Variants in GRM4 observed in about 807,000 individuals in gnomAD.
GRM4 encodes the protein glutamate metabotropic receptor 4.
In GRM4, 28 loss-of-function variants were observed where a neutral mutation model predicts 81.7. The observed-to-expected ratio is 0.34, with a 90% confidence interval of 0.25 to 0.47. GRM4 has a LOEUF of 0.47. GRM4 is among the 20% of genes least tolerant of loss of function. The pLI, the probability that GRM4 is intolerant of heterozygous loss-of-function variation, is 1.00. For synonymous variants in GRM4, 488 were observed against 528.8 expected, an observed-to-expected ratio of 0.92 and a Z score of 1.06; for missense variants, 948 against 1,290.0, an observed-to-expected ratio of 0.73 and a Z score of 4.06.
chr6:34,043,778 C>T (rs571873701), intron 6 of GRM4, among the ~76,000 whole-genome samples: 1 of 152,136 alleles, frequency 6.6e-6, no homozygotes, highest in African/African-American at 2.4e-5. Flanking sequence ...GTGGATATCC[C>T]GCAGGAGCCC....
chr6:34,097,441 G>GCC (rs1768590025), intron 2 of GRM4, among the ~76,000 whole-genome samples: 1 of 3,368 alleles, frequency 3.0e-4, no homozygotes, highest in Admixed American at 3.2e-3. Context: ...GTGTGTGTGT[G>GCC]TGTGTGTGTG....
At position 34,145,982 on chromosome 6, in the gene GRM4, G is replaced by T. The variant is rs188406246; in HGVS notation, c.-364+18C>A. On this transcript the variant is annotated intron_variant, in intron 1 of 10. Transcript: ENST00000538487. ...GCCCCCCCCTTCCTCCTCCCCGTGC[G>T]CGTGCCAGCTCACCTACCCCGAGGA... 33 of 982,864 alleles carry T rather than the reference G, an allele frequency of 3.4e-5. No individual in the cohort carries two copies. The East Asian group carries it at 3.3e-3, about 99-fold the overall frequency. 60.9% of individuals were successfully genotyped at this position (982,864 alleles called of 1,614,324 possible). A position where few individuals can be genotyped will look rare whatever the true frequency, so the allele number is the denominator to read the frequency against.
At position 34,048,645 on chromosome 6, in the gene GRM4, G is replaced by T. The variant is rs538541852; in HGVS notation, c.1169-7897C>A. ...GTGTCCCCACCCCAAATCTCACCTC[G>T]AATCATAATCCCCACATGTCAGGGA... On this transcript the variant is annotated intron_variant, in intron 6 of 10. Coordinates refer to ENST00000538487, the MANE Select transcript of GRM4 (RefSeq NM_000841.4). This position sits in a 1 kb window ranked among gnomAD's most constrained non-coding sequence, Gnocchi z 4.0. Among the ~76,000 whole-genome samples, 2 of 152,120 alleles carry T rather than the reference G, an allele frequency of 1.3e-5. No individual in the cohort carries two copies. The highest frequency in any genetic ancestry group is 2.9e-5 in the Non-Finnish European group (2 of 68,010).
rs535214603 is a variant in GRM4, at chr6:34,039,319, T to TTATG, written c.1506+855_1506+858dup. Among the ~76,000 whole-genome samples the TTATG allele has an allele frequency of 1.7e-3, 257 of 152,140 alleles. 3 individuals are homozygous for TTATG. Among genetic ancestry groups the TTATG allele is most frequent in the African/African-American group, 5.3e-3 (221 of 41,502 alleles). ...ACGAGGGGTTCCTCGCTGGAAGAGA[T>TTATG]TATGACAAGAGGAGACGGCGGGGCC... On this transcript the variant is annotated intron_variant, in intron 8 of 10. Coordinates refer to ENST00000538487, the MANE Select transcript of GRM4 (RefSeq NM_000841.4).
rs1257069153 is a variant in GRM4, at chr6:34,047,901, C to T, written c.1169-7153G>A. The stretch of plus-strand genomic sequence containing the variant: ...CTGGGGCTCTTCAACCTTGAGCCAG[C>T]CACAGGCTCCTTTTGAAGGAAACCA... On this transcript the variant is annotated intron_variant, in intron 6 of 10. Transcript: ENST00000538487. This position sits in a 1 kb window ranked among gnomAD's most constrained non-coding sequence, Gnocchi z 4.5. Among the ~76,000 whole-genome samples the T allele has an allele frequency of 2.0e-5, 3 of 152,160 alleles. No individual in the cohort carries two copies. The highest frequency in any genetic ancestry group is 4.4e-5 in the Non-Finnish European group (3 of 68,044).
chr6:34,052,360 A>G (rs960786017), intron 6 of GRM4, among the ~76,000 whole-genome samples: 30 of 152,200 alleles, frequency 2.0e-4, no homozygotes, highest in Admixed American at 1.7e-3. Flanking sequence ...GCTACTTGCT[A>G]TCAAATCCTC....
chr6:34,067,518 ATCCC>A (rs1561787109), intron 3 of GRM4, among the ~76,000 whole-genome samples: 2 of 65,242 alleles, frequency 3.1e-5, no homozygotes, highest in East Asian at 4.6e-4. Flanking sequence ...TCCTTCCTCC[ATCCC>A]TCCCTCCCTT....
At chr6:34,153,554 C>T (rs1259140215) in intron 1 of GRM4, among the ~76,000 whole-genome samples, 1 of 152,208 alleles carries the variant, frequency 6.6e-6, no homozygotes, top group Middle Eastern at 3.2e-3. Context: ...CAGCTGTGAG[C>T]GGGGAGAACA....
intron 6 of GRM4, 125 bp from the exon 7 acceptor site, chr6:34,040,873 C>A (rs1764990214): frequency 2.7e-6 from 2 of 735,694 alleles, no homozygotes; most frequent in Non-Finnish European, 2.3e-6. Context: ...CATGGCCAGG[C>A]CTCCTGACTC....
chr6:34,068,593 G>A lies in GRM4; in HGVS notation c.737-6565C>T, dbSNP rs528362347. Among the ~76,000 whole-genome samples, 2 of 152,114 alleles carry A rather than the reference G, an allele frequency of 1.3e-5. No individual in the cohort carries two copies. The highest frequency in any genetic ancestry group is 3.9e-4 in the East Asian group (2 of 5,168). On this transcript the variant is annotated intron_variant, in intron 3 of 10. Coordinates refer to ENST00000538487, the MANE Select transcript of GRM4 (RefSeq NM_000841.4). This position sits in a 1 kb window ranked among gnomAD's most constrained non-coding sequence, Gnocchi z 4.2. ...AAGGCCAGCCCTCCAGCAGCCTCCAGATCACCTGCCTTCAAAGACCCATCC... is the reference window on the plus strand; with the variant it reads ...AAGGCCAGCCCTCCAGCAGCCTCCAAATCACCTGCCTTCAAAGACCCATCC...
At chr6:34,107,127 G>A (rs2127497257) in intron 2 of GRM4, among the ~76,000 whole-genome samples, 1 of 152,346 alleles carries the variant, frequency 6.6e-6, no homozygotes, top group African/African-American at 2.4e-5. Context: ...TCCGAAGCCA[G>A]GGGTGAGAAG....
chr6:34,145,453 G>T (rs2127519709), intron 1 of GRM4, among the ~76,000 whole-genome samples: 1 of 152,346 alleles, frequency 6.6e-6, no homozygotes, highest in East Asian at 1.9e-4. Context: ...CTGGCCGAGA[G>T]CTCCGGGCTG....
chr6:34,102,294 T>C (rs1768882200), intron 2 of GRM4: 10 of 696,374 alleles, frequency 1.4e-5, no homozygotes, highest in Non-Finnish European at 2.4e-5. Flanking sequence ...AGAATTACAC[T>C]TGGCATTTTA....
chr6:34,153,400 C>T (rs1296973679), intron 1 of GRM4, among the ~76,000 whole-genome samples: 3 of 152,246 alleles, frequency 2.0e-5, no homozygotes, highest in Non-Finnish European at 4.4e-5. Context: ...GCATCTCCAT[C>T]CTCAGGACTG....
intron 6 of GRM4, 102 bp downstream of exon 6, chr6:34,056,441 GC>G: frequency 9.1e-7 from 1 of 1,095,836 alleles, no homozygotes; most frequent in African/African-American, 1.6e-5. Context: ...GCCACGGCCG[GC>G]CGACGACAGA....
chr6:34,098,185 G>A (rs891268821), intron 2 of GRM4, among the ~76,000 whole-genome samples: 5 of 152,230 alleles, frequency 3.3e-5, no homozygotes, highest in African/African-American at 1.2e-4. Context: ...AGGTGCATGG[G>A]GGCCCTGGGC....
At chr6:34,110,677 T>C in intron 2 of GRM4, 2 of 1,498,522 alleles carry the variant, frequency 1.3e-6, no homozygotes, top group African/African-American at 1.4e-5. Context: ...GACATGTCTC[T>C]CCAGGAGCGT....
intron 9 of GRM4, among the ~76,000 whole-genome samples, chr6:34,029,597 C>T (rs942145365): frequency 2.6e-5 from 4 of 152,190 alleles, no homozygotes; most frequent in Non-Finnish European, 4.4e-5. Flanking sequence ...CTGGAGAAGC[C>T]ATAGGGCCTA....
chr6:34,022,626 G>T lies in GRM4; in HGVS notation c.*195C>A, dbSNP rs373746975. 2.3e-5 allele frequency: 14 copies of T among 604,166 alleles called. No individual in the cohort carries two copies. The highest frequency in any genetic ancestry group is 4.2e-5 in the Non-Finnish European group (14 of 336,716). 37.4% of individuals were successfully genotyped at this position (604,166 alleles called of 1,614,324 possible). On this transcript the variant is annotated 3_prime_UTR_variant, in exon 11 of 11. Coordinates refer to ENST00000538487, the MANE Select transcript of GRM4 (RefSeq NM_000841.4). This position sits in a 1 kb window ranked among gnomAD's most constrained non-coding sequence, Gnocchi z 5.6. ...TAGCCTGGCACCGCCCCGGCCCCTC[G>T]TCCTCCTGTTGCTCACCCGGTTTGC... is the stretch of plus-strand genomic sequence containing the variant.
Sources: gnomAD v4.1 joint callset for allele counts (sites outside exome capture counted in the v4.1 genomes callset) on GRCh38, gnomAD v4.1.1 for gene constraint, Gnocchi (gnomAD v3.1) non-coding constraint, MANE v1.5 for transcripts, NCBI Gene and HGNC (gene_info 2026-07-23, HGNC 2026-07-21) for gene names.